The following SEPTIN12 variants were observed in gnomAD, a reference collection of about 807,000 sequenced individuals.
SEPTIN12 encodes the protein septin 12, also known as septin-12.
SEPTIN12 carries 42 observed loss-of-function variants against 37.7 expected under a neutral mutation model. That is an observed-to-expected ratio of 1.11 (90% CI 0.87 to 1.44). The LOEUF is 1.44. Ranked by LOEUF, SEPTIN12 falls within the 40% of genes most tolerant of loss-of-function variation. SEPTIN12 has a pLI of 0.00. For missense variants in SEPTIN12, 613 were observed against 479.2 expected (o/e 1.28, Z -2.61); for synonymous variants, 254 against 196.7 (o/e 1.29, Z -2.44).
At chr16:4,791,200 T>C (rs1207709757), upstream of SEPTIN12, among the ~76,000 whole-genome samples, 1 of 152,090 alleles carries the variant, frequency 6.6e-6, no homozygotes, top group Non-Finnish European at 1.5e-5. Flanking sequence ...TGGGTGCCAG[T>C]AGGGACTGCA....
At position 4,777,681 on chromosome 16, in the gene SEPTIN12, AG is replaced by A; in HGVS notation, c.*115del. 1.2e-6 allele frequency: 1 copy of A among 824,034 alleles called. No homozygotes were observed. Among genetic ancestry groups the A allele is most frequent in the South Asian group, 2.0e-5 (1 of 50,426 alleles). 51.0% of individuals were successfully genotyped at this position (824,034 alleles called of 1,614,324 possible). On this transcript the variant is annotated 3_prime_UTR_variant, in exon 10 of 10. Coordinates refer to ENST00000268231, the MANE Select transcript of SEPTIN12 (RefSeq NM_144605.5). ...TTTACAAAATGCCTTTTGTTTTCAA[AG>A]CACAGCTTTTCATAAAAAGCAAGGC...
At chr16:4,783,065 A>G (rs2082389883) in intron 7 of SEPTIN12, among the ~76,000 whole-genome samples, 1 of 147,420 alleles carries the variant, frequency 6.8e-6, no homozygotes, top group East Asian at 2.0e-4. Flanking sequence ...GCACCACCAC[A>G]CCCAGCCAAT....
At chr16:4,780,130 T>C (rs1284618949) in intron 7 of SEPTIN12, among the ~76,000 whole-genome samples, 1 of 152,066 alleles carries the variant, frequency 6.6e-6, no homozygotes, top group African/African-American at 2.4e-5. Flanking sequence ...ATATAGCGTA[T>C]TATATAGCTC....
chr16:4,779,618 G>A (rs544193127), intron 8 of SEPTIN12, 72 bp downstream of exon 8: 13 of 909,144 alleles, frequency 1.4e-5, no homozygotes, highest in African/African-American at 6.5e-5. Flanking sequence ...TGATGGGTGC[G>A]AAGGTTGCCC....
rs371904897 is a variant in SEPTIN12, at chr16:4,783,759, G to A, written c.520C>T (p.Pro174Ser). The change falls in exon 6 of 10, where the codon CCC becomes TCC. Residue 174 changes from proline to serine, a missense_variant. By Grantham distance (74) the Pro-to-Ser change is moderately conservative (BLOSUM62 -1). Coordinates refer to ENST00000268231, the MANE Select transcript of SEPTIN12 (RefSeq NM_144605.5). ...CGCTGCAGGAACTCAATGTCCAGGGGCCGCAGGCTGCCGGAGGCAGGGCAG... is the reference window on the plus strand; with the variant it reads ...CGCTGCAGGAACTCAATGTCCAGGGACCGCAGGCTGCCGGAGGCAGGGCAG... The part of the protein sequence containing the change: ...FVPPTGHCLR[P>S]LDIEFLQRLC... 3.1e-6 allele frequency: 5 copies of A among 1,613,512 alleles called. No homozygotes were observed. The highest frequency in any genetic ancestry group is 4.2e-6 in the Non-Finnish European group (5 of 1,179,860).
chr16:4,788,034 G>A (rs1032147066), intron 1 of SEPTIN12: 8 of 196,388 alleles, frequency 4.1e-5, no homozygotes, highest in Non-Finnish European at 7.4e-5. Flanking sequence ...TTCAGGGAGT[G>A]TGTATGGGGT....
intron 7 of SEPTIN12, among the ~76,000 whole-genome samples, 168 bp from the exon 8 acceptor site, chr16:4,779,954 C>T (rs181710638): frequency 4.6e-5 from 7 of 152,106 alleles, no homozygotes; most frequent in Non-Finnish European, 7.4e-5. Context: ...CTAATTGGTG[C>T]CTCTGGCTGA....
At chr16:4,789,913 CT>C (rs200769927), upstream of SEPTIN12, 12,486 of 144,226 alleles carry the variant, frequency 0.087, 569 homozygotes, top group East Asian at 0.25. Flanking sequence ...TCTTTTCTTT[CT>C]TTTTTTTTTT....
Position 4,783,618 on chromosome 16 carries a change from G to C in SEPTIN12, c.630+31C>G, listed in dbSNP as rs752838605. On this transcript the variant is annotated intron_variant, in intron 6 of 9. Transcript: ENST00000268231. ...GCCCACTCTGCCCTCTGCCCCCGCTGACCCCAGCCCTGCCCGGGCATCCAG... is the reference window on the plus strand; with the variant it reads ...GCCCACTCTGCCCTCTGCCCCCGCTCACCCCAGCCCTGCCCGGGCATCCAG... The C allele has an allele frequency of 1.9e-6, 3 of 1,611,346 alleles. No homozygotes were observed. In the African/African-American group the frequency reaches 4.0e-5, roughly 22 times the overall value.
intron 3 of SEPTIN12, 23 bp from the exon 4 acceptor site, chr16:4,785,911 G>A (rs975321381): frequency 6.2e-7 from 1 of 1,612,366 alleles, no homozygotes; most frequent in African/African-American, 1.3e-5. Flanking sequence ...AGCAGAGTCG[G>A]GAGAGACTGG....
chr16:4,778,256 C>G (rs1201687242), intron 8 of SEPTIN12, 119 bp from the exon 9 acceptor site: 2 of 1,032,998 alleles, frequency 1.9e-6, no homozygotes, highest in East Asian at 2.5e-5. Flanking sequence ...TTTACCCTAT[C>G]CTGCCTTCCC....
upstream of SEPTIN12, among the ~76,000 whole-genome samples, chr16:4,790,916 C>G (rs2082541071): frequency 6.6e-6 from 1 of 152,196 alleles, no homozygotes; most frequent in South Asian, 2.1e-4. Flanking sequence ...AGTTTGTTGT[C>G]CAAGGTGAAA....
chr16:4,787,411 T>C, intron 2 of SEPTIN12, 69 bp downstream of exon 2: 1 of 1,437,632 alleles, frequency 7.0e-7, no homozygotes. Flanking sequence ...CTGCCAAAGG[T>C]GAGGCCACAC....
At chr16:4,791,430 C>T (rs904092851), upstream of SEPTIN12, among the ~76,000 whole-genome samples, 5 of 152,152 alleles carry the variant, frequency 3.3e-5, no homozygotes, top group Admixed American at 2.0e-4. Context: ...CATGCTTCGA[C>T]GGCTCTGACA....
Position 4,784,018 on chromosome 16 carries a change from T to A in SEPTIN12, c.425A>T (p.Gln142Leu), listed in dbSNP as rs2082405194. 6.2e-7 allele frequency: 1 copy of A among 1,614,060 alleles called. No individual in the cohort carries two copies. The highest frequency in any genetic ancestry group is 1.7e-5 in the Admixed American group (1 of 59,992). ...YINEQYEQYLQEEILITRQRH... is the reference protein window; with the variant it reads ...YINEQYEQYLLEEILITRQRH... Reference sequence around the variant, plus strand: ...CTGGCGGGTGATGAGGATCTCCTCCTGCAGGTACTGCTCGTATTGCTCGTT... The same window carrying A: ...CTGGCGGGTGATGAGGATCTCCTCCAGCAGGTACTGCTCGTATTGCTCGTT... The change falls in exon 5 of 10, where the codon CAG becomes CTG. Residue 142 changes from glutamine (Q) to leucine (L), a missense_variant. Coordinates refer to ENST00000268231, the MANE Select transcript of SEPTIN12 (RefSeq NM_144605.5).
chr16:4,781,437 A>C (rs1440986680), intron 7 of SEPTIN12, among the ~76,000 whole-genome samples: 4 of 150,452 alleles, frequency 2.7e-5, no homozygotes, highest in African/African-American at 4.9e-5. Flanking sequence ...TTTAGCAATC[A>C]CTCCCCATTT....
At chr16:4,790,671 G>A (rs111597725), upstream of SEPTIN12, among the ~76,000 whole-genome samples, 1 of 152,090 alleles carries the variant, frequency 6.6e-6, no homozygotes, top group African/African-American at 2.4e-5. Context: ...ACCTGTAGTC[G>A]CAGCTACTTG....
intron 8 of SEPTIN12, among the ~76,000 whole-genome samples, chr16:4,779,244 G>A (rs931499563): frequency 4.6e-5 from 7 of 151,592 alleles, no homozygotes; most frequent in Admixed American, 2.0e-4. Flanking sequence ...TCTCCCTCCC[G>A]CCACAATCGC....
In SEPTIN12 at chr16:4,783,921, G is replaced by GC. The variant is rs1164086059; in HGVS notation, c.512+9dup. ...AGGTGGTCCTCGCCTTGCAGGTGCA[G>GC]CCCCCTCACCAGTGCCCAGTGGGTG... is the stretch of plus-strand genomic sequence containing the variant. On this transcript the variant is annotated intron_variant, in intron 5 of 9. Transcript: ENST00000268231. 1 of 1,614,004 alleles carries GC rather than the reference G, an allele frequency of 6.2e-7. No individual in the cohort carries two copies. The highest frequency in any genetic ancestry group is 1.7e-5 in the Admixed American group (1 of 60,018).
Sources: allele counts gnomAD v4.1 joint callset (sites outside exome capture counted in the v4.1 genomes callset), GRCh38; gene constraint gnomAD v4.1.1; transcripts MANE v1.5; gene names NCBI Gene and HGNC (gene_info 2026-07-23, HGNC 2026-07-21).